AKT1: variants seen among roughly 807,000 people sequenced by gnomAD.
AKT1 encodes the protein RAC-alpha serine/threonine-protein kinase.
A neutral mutation model predicts 63.1 loss-of-function variants in AKT1; 21 were observed. That is an observed-to-expected ratio of 0.33 (90% confidence interval 0.24 to 0.48). The LOEUF is 0.48. Among genes scored for constraint, AKT1 ranks in the 20% least tolerant of loss-of-function variants. The pLI, the probability that AKT1 is intolerant of heterozygous loss-of-function variation, is 0.99. For synonymous variants in AKT1, 257 were observed against 253.1 expected (o/e 1.02, Z -0.15); for missense variants, 382 against 666.0 (o/e 0.57, Z 4.69).
intron 8 of AKT1, chr14:104,774,714 C>T (rs1892609088): frequency 6.8e-6 from 4 of 586,720 alleles, no homozygotes; most frequent in Non-Finnish European, 1.2e-5. Context: ...GGGCCACCTG[C>T]CCCACCCACC....
chr14:104,785,259 G>T (rs1893274764), intron 3 of AKT1, among the ~76,000 whole-genome samples: 1 of 152,188 alleles, frequency 6.6e-6, no homozygotes, highest in Admixed American at 6.5e-5. Flanking sequence ...GGCCCGGCCT[G>T]CCAGGCCTCT....
rs1893851520 is a variant in AKT1, at chr14:104,795,560, G to A, written c.-334C>T. 6.9e-6 allele frequency: 1 copy of A among 145,872 alleles called. No individual in the cohort carries two copies. The highest frequency in any genetic ancestry group is 2.5e-5 in the African/African-American group (1 of 40,726). The allele number at this position is 145,872 out of a possible 1,614,324, so 9.0% of individuals were successfully genotyped here. ...GGCGCCCGCCGCTCCGCATCCCCGCGGGCCGGCGCTGGGCGGGGCCGGGCT... is the reference window on the plus strand; with the variant it reads ...GGCGCCCGCCGCTCCGCATCCCCGCAGGCCGGCGCTGGGCGGGGCCGGGCT... On this transcript the variant is annotated 5_prime_UTR_variant, in exon 1 of 15. Transcript: ENST00000649815. This position sits in a 1 kb window ranked among gnomAD's most constrained non-coding sequence, Gnocchi z 5.1.
At position 104,769,607 on chromosome 14, in the gene AKT1, G is replaced by A. The variant is rs888187782; in HGVS notation, c.*734C>T. The A allele has an allele frequency of 3.0e-5, 16 of 527,964 alleles. No homozygotes were observed. Among genetic ancestry groups the A allele is most frequent in the Admixed American group, 6.9e-5 (3 of 43,238 alleles). 32.7% of individuals were successfully genotyped at this position (527,964 alleles called of 1,614,324 possible). ...GAGATCATCTGAGGGGGAGGCTCCC[G>A]GTGGGACAGTCACCAAGAACTGTGA... On this transcript the variant is annotated 3_prime_UTR_variant, in exon 15 of 15. Coordinates refer to ENST00000649815, the MANE Select transcript of AKT1 (RefSeq NM_001382430.1).
chr14:104,773,793 C>G, intron 9 of AKT1, 119 bp downstream of exon 9: 2 of 1,236,428 alleles, frequency 1.6e-6, no homozygotes, highest in Non-Finnish European at 2.3e-6. Flanking sequence ...TCACACCACC[C>G]ACCCAGCAGG....
At chr14:104,783,285 T>G (rs942034656) in intron 3 of AKT1, among the ~76,000 whole-genome samples, 1 of 152,130 alleles carries the variant, frequency 6.6e-6, no homozygotes, top group Non-Finnish European at 1.5e-5. Flanking sequence ...TTCCCCACCC[T>G]GTTGTGGTCC....
At chr14:104,794,737 C>G (rs1330750323) in intron 1 of AKT1, among the ~76,000 whole-genome samples, 4 of 152,192 alleles carry the variant, frequency 2.6e-5, no homozygotes, top group African/African-American at 4.8e-5. Context: ...GCCGAGAGAC[C>G]CAGGAGTGAA....
intron 4 of AKT1, among the ~76,000 whole-genome samples, chr14:104,779,796 G>A (rs1892933064): frequency 6.6e-6 from 1 of 151,518 alleles, no homozygotes; most frequent in Non-Finnish European, 1.5e-5. Flanking sequence ...CCCCTGCCCA[G>A]CCAGCCTCGG....
In AKT1 at chr14:104,775,654, C is replaced by T. The variant is rs1166659979; in HGVS notation, c.433G>A (p.Val145Met). The T allele has an allele frequency of 6.2e-7, 1 of 1,613,744 alleles. No individual in the cohort carries two copies. The highest frequency in any genetic ancestry group is 8.5e-7 in the Non-Finnish European group (1 of 1,179,904). Residue 145 changes from valine (V) to methionine (M), a missense_variant and splice_region_variant, in exon 6 of 15, where the codon GTG becomes ATG. Physicochemically the swap from Val to Met is conservative, Grantham distance 21. Coordinates refer to ENST00000649815, the MANE Select transcript of AKT1 (RefSeq NM_001382430.1). ...EVSLAKPKHR[V>M]TMNEFEYLKL... The stretch of plus-strand genomic sequence containing the variant: ...GCAGAAGTGGGGACAGGCCTCACCA[C>T]GCGGTGCTTGGGCTTGGCCAGGGAC...
At chr14:104,780,444 C>T (rs1038544612) in intron 3 of AKT1, among the ~76,000 whole-genome samples, 6 of 152,300 alleles carry the variant, frequency 3.9e-5, no homozygotes, top group Middle Eastern at 3.4e-3. Flanking sequence ...AGAGCCACCC[C>T]GAGCTGTGTC....
chr14:104,792,502 C>A, intron 3 of AKT1, 96 bp downstream of exon 3: 1 of 1,417,324 alleles, frequency 7.1e-7, no homozygotes, highest in Non-Finnish European at 9.9e-7. Context: ...GGGGAGGCAG[C>A]CCCTCCCACC....
intron 3 of AKT1, among the ~76,000 whole-genome samples, chr14:104,785,981 C>G (rs1272047063): frequency 2.0e-5 from 3 of 152,110 alleles, no homozygotes; most frequent in Non-Finnish European, 4.4e-5. Flanking sequence ...GCCTGGATGT[C>G]CTCCCCCACA....
At chr14:104,779,196 C>T (rs1175326620) in intron 4 of AKT1, among the ~76,000 whole-genome samples, 1 of 152,230 alleles carries the variant, frequency 6.6e-6, no homozygotes, top group Non-Finnish European at 1.5e-5. Context: ...AATAAAGCCA[C>T]AGCAGGGCGG....
intron 8 of AKT1, 93 bp from the exon 9 acceptor site, chr14:104,774,073 G>C (rs1459243823): frequency 1.6e-6 from 2 of 1,240,358 alleles, no homozygotes; most frequent in East Asian, 2.5e-5. Context: ...ATACCACGTC[G>C]CCTGATACCA....
At chr14:104,772,498 C>G in intron 12 of AKT1, 46 bp from the exon 13 acceptor site, 6 of 1,597,902 alleles carry the variant, frequency 3.8e-6, no homozygotes, top group Non-Finnish European at 5.1e-6. Flanking sequence ...GCCACCTGCC[C>G]AGGCCCTGGG....
At position 104,770,487 on chromosome 14, in the gene AKT1, C is replaced by T. The variant is rs562695830; in HGVS notation, c.1364-67G>A. 23 of 1,441,110 alleles carry T rather than the reference C, an allele frequency of 1.6e-5. No homozygotes were observed. The African/African-American group carries it at 2.5e-4, about 16-fold the overall frequency. 89.3% of individuals were successfully genotyped at this position (1,441,110 alleles called of 1,614,324 possible). On this transcript the variant is annotated intron_variant, in intron 14 of 14. Coordinates refer to ENST00000649815, the MANE Select transcript of AKT1 (RefSeq NM_001382430.1). ...TGCCACCTCCACCCACCCACAGCTC[C>T]AGTAGGAAGCCAACCTCTTAAAGCA...
chr14:104,773,978 G>C lies in AKT1; in HGVS notation c.636C>G (p.Ala212=). 6.2e-7 allele frequency: 1 copy of C among 1,612,192 alleles called. No homozygotes were observed. Among genetic ancestry groups the C allele is most frequent in the African/African-American group, 1.3e-5 (1 of 74,988 alleles). The change falls in exon 9 of 15, where the codon GCC becomes GCG. Residue 212 remains alanine, a splice_region_variant and synonymous_variant. Transcript: ENST00000649815. ...LQNSRHPFLT[A]LKYSFQTHDR... is the part of the protein sequence containing the mutation. The stretch of plus-strand genomic sequence containing the variant: ...CGTGGGTCTGGAAAGAGTACTTCAG[G>C]GCCTGCAAGGAAGGGGAGCTGGAAC...
At chr14:104,771,151 G>A (rs969075088) in intron 13 of AKT1, 10 of 382,450 alleles carry the variant, frequency 2.6e-5, no homozygotes, top group Non-Finnish European at 3.3e-5. Context: ...CTACCAGGAG[G>A]TGATAACTTT....
At chr14:104,781,891 G>C (rs1037211140) in intron 3 of AKT1, among the ~76,000 whole-genome samples, 1 of 152,162 alleles carries the variant, frequency 6.6e-6, no homozygotes, top group South Asian at 2.1e-4. Flanking sequence ...CTGCCCCTGT[G>C]CCCAAGAGCA....
At chr14:104,787,541 G>T (rs1175598851) in intron 3 of AKT1, among the ~76,000 whole-genome samples, 1 of 152,242 alleles carries the variant, frequency 6.6e-6, no homozygotes, top group Non-Finnish European at 1.5e-5. Context: ...CAGGCAGAGG[G>T]GACGCCAGCG....
Sources: allele counts gnomAD v4.1 joint callset (sites outside exome capture counted in the v4.1 genomes callset), GRCh38; gene constraint gnomAD v4.1.1; non-coding constraint Gnocchi (gnomAD v3.1); transcripts MANE v1.5; gene names NCBI Gene and HGNC (gene_info 2026-07-23, HGNC 2026-07-21).